Variants in BTBD9 observed in about 807,000 individuals in gnomAD.
BTBD9 encodes the protein BTB domain containing 9.
BTBD9 carries 49 observed loss-of-function variants against 64.3 expected under a neutral mutation model. That is an observed-to-expected ratio of 0.76 (90% CI 0.61 to 0.97). The LOEUF (loss-of-function observed/expected upper bound fraction) is 0.97. Among genes scored for constraint, BTBD9 ranks in the 50% least tolerant of loss-of-function variants. The pLI, the probability that BTBD9 is intolerant of heterozygous loss-of-function variation, is 0.00. For synonymous variants in BTBD9, 260 were observed against 274.7 expected (o/e 0.95, Z 0.53); for missense variants, 598 against 762.1 (o/e 0.78, Z 2.53).
intron 9 of BTBD9, among the ~76,000 whole-genome samples, chr6:38,227,006 C>T (rs1763417847): frequency 1.3e-5 from 2 of 152,196 alleles, no homozygotes; most frequent in South Asian, 4.1e-4. Context: ...CACAATTTGA[C>T]CCAGCATTTT....
At chr6:38,246,458 G>A (rs947639568) in intron 9 of BTBD9, among the ~76,000 whole-genome samples, 4 of 148,232 alleles carry the variant, frequency 2.7e-5, no homozygotes, top group South Asian at 4.4e-4. Context: ...GCACGTGCAC[G>A]TACGTGTGTG....
intron 6 of BTBD9, among the ~76,000 whole-genome samples, chr6:38,378,158 G>A (rs750759123): frequency 2.0e-5 from 3 of 151,928 alleles, no homozygotes; most frequent in Non-Finnish European, 4.4e-5. Flanking sequence ...TCATTGACAG[G>A]ATTTCCTTAT....
At chr6:38,276,315 A>G (rs1459452668) in intron 8 of BTBD9, among the ~76,000 whole-genome samples, 1 of 139,474 alleles carries the variant, frequency 7.2e-6, no homozygotes. Flanking sequence ...ACATGGACAC[A>G]GGAAGGGGAA....
intron 6 of BTBD9, among the ~76,000 whole-genome samples, chr6:38,386,919 A>G (rs1417549982): frequency 1.3e-5 from 2 of 152,180 alleles, no homozygotes; most frequent in Admixed American, 1.3e-4. Flanking sequence ...CTGGGATTAC[A>G]GGCATCAGCC....
chr6:38,618,528 C>T (rs972491524), intron 1 of BTBD9, among the ~76,000 whole-genome samples: 1 of 152,154 alleles, frequency 6.6e-6, no homozygotes, highest in East Asian at 1.9e-4. Flanking sequence ...TAATCTCCCC[C>T]ACCCAGAAAG....
At chr6:38,568,293 AGTTT>A (rs1157822963) in intron 6 of BTBD9, among the ~76,000 whole-genome samples, 1 of 152,220 alleles carries the variant, frequency 6.6e-6, no homozygotes, top group Non-Finnish European at 1.5e-5. Flanking sequence ...TCTGTATCTA[AGTTT>A]GTTTGTTTAT....
chr6:38,192,929 T>C (rs988802827), intron 9 of BTBD9, among the ~76,000 whole-genome samples: 2 of 133,394 alleles, frequency 1.5e-5, no homozygotes, highest in Non-Finnish European at 3.2e-5. Flanking sequence ...GGGGGAGGGA[T>C]GGCACTGGGA....
intron 6 of BTBD9, among the ~76,000 whole-genome samples, chr6:38,414,674 C>G (rs1436978797): frequency 6.6e-6 from 1 of 152,188 alleles, no homozygotes; most frequent in African/African-American, 2.4e-5. Context: ...GACTGCTATG[C>G]ACTCTTAATG....
Position 38,392,875 on chromosome 6 carries a change from AT to A in BTBD9, c.1155-47783del, listed in dbSNP as rs11403915. Among the ~76,000 whole-genome samples, 246 of 137,268 alleles carry A rather than the reference AT, an allele frequency of 1.8e-3. 1 individual carries two copies. Among genetic ancestry groups the A allele is most frequent in the Non-Finnish European group, 1.5e-3 (94 of 64,610 alleles). 90.1% of individuals were successfully genotyped at this position (137,268 alleles called of 152,430 possible). A position where few individuals can be genotyped will look rare whatever the true frequency, so the allele number is the denominator to read the frequency against. ...TATTTTGCTCATCCTTAAGACAATG[AT>A]TTTTTTTTTTTTTTTTGAGATGGAG... On this transcript the variant is annotated intron_variant, in intron 6 of 10. Transcript: ENST00000481247.
chr6:38,458,630 T>C lies in BTBD9; in HGVS notation c.1155-113537A>G, dbSNP rs764972328. On this transcript the variant is annotated intron_variant, in intron 6 of 10. Transcript: ENST00000481247. ...CCTAACAGGAAGAACTAACCAAAGA[T>C]ACCTGACATCATTCTAGCAGTTTTC... Among the ~76,000 whole-genome samples, 21 of 152,184 alleles carry C rather than the reference T, an allele frequency of 1.4e-4. 1 individual carries two copies.
intron 6 of BTBD9, among the ~76,000 whole-genome samples, chr6:38,356,888 C>T (rs1764748061): frequency 6.6e-6 from 1 of 152,102 alleles, no homozygotes; most frequent in Non-Finnish European, 1.5e-5. Context: ...GTTCTAGAAG[C>T]TAAGTGGTGA....
chr6:38,563,550 A>C lies in BTBD9; in HGVS notation c.1154+14050T>G, dbSNP rs945650744. On this transcript the variant is annotated intron_variant, in intron 6 of 10. Transcript: ENST00000481247. ...ATGTCACATCCCTCAATACCTTCCT[A>C]GGAGCTGCATTTTTGATAGACTACC... 4.1e-4 allele frequency among the ~76,000 whole-genome samples: 63 copies of C among 152,172 alleles called. 3 individuals are homozygous for C. The highest frequency in any genetic ancestry group is 2.4e-4 in the Non-Finnish European group (16 of 67,976).
chr6:38,239,238 G>A (rs771583874), intron 9 of BTBD9, among the ~76,000 whole-genome samples: 1 of 151,872 alleles, frequency 6.6e-6, no homozygotes, highest in East Asian at 1.9e-4. Flanking sequence ...TCAAGAGATC[G>A]AGACCATCCT....
At position 38,273,276 on chromosome 6, in the gene BTBD9, G is replaced by A. The variant is rs116006311; in HGVS notation, c.1454+14996C>T. Reference sequence around the variant, plus strand: ...ACAGTAATGTCCTTTTATCCATGTGGGGTGCATTCCAAGACCCCCCAGTGG... The same window carrying A: ...ACAGTAATGTCCTTTTATCCATGTGAGGTGCATTCCAAGACCCCCCAGTGG... On this transcript the variant is annotated intron_variant, in intron 8 of 10. Transcript: ENST00000481247. Among the ~76,000 whole-genome samples, 820 of 152,166 alleles carry A rather than the reference G, an allele frequency of 5.4e-3. 6 individuals carry two copies. The highest frequency in any genetic ancestry group is 0.018 in the African/African-American group (731 of 41,512).
intron 1 of BTBD9, among the ~76,000 whole-genome samples, chr6:38,600,421 T>C (rs1777200289): frequency 6.6e-6 from 1 of 152,090 alleles, no homozygotes; most frequent in African/African-American, 2.4e-5. Context: ...AGACTGGGAG[T>C]TTTTTTGTTT....
intron 7 of BTBD9, among the ~76,000 whole-genome samples, chr6:38,294,225 G>A (rs1323299843): frequency 6.6e-6 from 1 of 152,198 alleles, no homozygotes; most frequent in Non-Finnish European, 1.5e-5. Context: ...TGGTGGGACT[G>A]TAAACTAGTT....
intron 10 of BTBD9, among the ~76,000 whole-genome samples, chr6:38,177,817 T>C (rs1225019707): frequency 6.6e-6 from 1 of 152,250 alleles, no homozygotes; most frequent in African/African-American, 2.4e-5. Flanking sequence ...CAGATAATAA[T>C]GCAAATGGCT....
At chr6:38,463,197 G>A (rs1324455236) in intron 6 of BTBD9, among the ~76,000 whole-genome samples, 1 of 152,216 alleles carries the variant, frequency 6.6e-6, no homozygotes, top group Admixed American at 6.5e-5. Context: ...GGATAGCATA[G>A]AGAAATACAA....
At chr6:38,586,269 G>GA (rs532117426) in intron 4 of BTBD9, among the ~76,000 whole-genome samples, 228 of 151,020 alleles carry the variant, frequency 1.5e-3, no homozygotes, top group African/African-American at 5.3e-3. Flanking sequence ...AATATCCTAA[G>GA]AAAAAAAAAT....
Sources: gnomAD v4.1 joint callset for allele counts (sites outside exome capture counted in the v4.1 genomes callset) on GRCh38, gnomAD v4.1.1 for gene constraint, MANE v1.5 for transcripts, NCBI Gene and HGNC (gene_info 2026-07-23, HGNC 2026-07-21) for gene names.